The following DACH1 variants were observed in gnomAD, a reference collection of about 807,000 sequenced individuals.
DACH1 encodes dachshund homolog 1.
DACH1 carries 12 observed loss-of-function variants against 54.2 expected under a neutral mutation model. The observed-to-expected ratio is 0.22, with a 90% confidence interval of 0.14 to 0.36. DACH1 has a LOEUF of 0.36. Ranked by LOEUF, DACH1 falls within the 10% of genes least tolerant of loss-of-function variation. The pLI is 1.00. For missense variants in DACH1, 805 were observed against 929.8 expected (o/e 0.87, Z 1.75); for synonymous variants, 386 against 366.2 (o/e 1.05, Z -0.62).
chr13:71,560,978 T>C (rs760101672), intron 4 of DACH1, among the ~76,000 whole-genome samples: 1 of 152,158 alleles, frequency 6.6e-6, no homozygotes, highest in Non-Finnish European at 1.5e-5. Context: ...AGAGAAAATA[T>C]GCAATTACAA....
In DACH1 at chr13:71,497,017, A is replaced by C. The variant is rs1022670910; in HGVS notation, c.1571-7869T>G. On this transcript the variant is annotated intron_variant, in intron 6 of 10. Coordinates refer to ENST00000613252, the MANE Select transcript of DACH1 (RefSeq NM_080759.6). Reference sequence around the variant, plus strand: ...AAAGCAAACCAGGCTTGATTAAGAAAGTATGAATTCAAGTCCTGGCTCTAC... The same window carrying C: ...AAAGCAAACCAGGCTTGATTAAGAACGTATGAATTCAAGTCCTGGCTCTAC... Among the ~76,000 whole-genome samples the C allele has an allele frequency of 7.9e-5, 12 of 152,296 alleles. 1 individual carries two copies. The East Asian group carries it at 1.9e-3, about 25-fold the overall frequency.
At chr13:71,534,364 T>G (rs1281306347) in intron 6 of DACH1, among the ~76,000 whole-genome samples, 1 of 152,046 alleles carries the variant, frequency 6.6e-6, no homozygotes, top group Non-Finnish European at 1.5e-5. Flanking sequence ...TCTTTAATAT[T>G]AAATTATGCT....
chr13:71,581,234 G>T (rs1872829729), intron 3 of DACH1, among the ~76,000 whole-genome samples: 2 of 152,020 alleles, frequency 1.3e-5, no homozygotes, highest in Non-Finnish European at 2.9e-5. Flanking sequence ...AGAGGCACAT[G>T]CACATATAAT....
intron 6 of DACH1, among the ~76,000 whole-genome samples, chr13:71,490,656 G>A (rs564751959): frequency 6.6e-6 from 1 of 152,184 alleles, no homozygotes; most frequent in African/African-American, 2.4e-5. Context: ...CCATGCAGGG[G>A]CAGGGATGCT....
At chr13:71,534,416 T>A (rs1882620346) in intron 6 of DACH1, among the ~76,000 whole-genome samples, 1 of 151,994 alleles carries the variant, frequency 6.6e-6, no homozygotes, top group South Asian at 2.1e-4. Context: ...TGATTTGAAA[T>A]CATTGAGAAA....
intron 10 of DACH1, among the ~76,000 whole-genome samples, chr13:71,448,310 A>G (rs913494870): frequency 3.9e-5 from 6 of 152,236 alleles, no homozygotes; most frequent in African/African-American, 1.4e-4. Flanking sequence ...TATAAAATAT[A>G]GTAGCCGTGT....
At chr13:71,834,999 GA>G (rs1230139290) in intron 1 of DACH1, among the ~76,000 whole-genome samples, 1 of 151,920 alleles carries the variant, frequency 6.6e-6, no homozygotes, top group African/African-American at 2.4e-5. Context: ...CTCAGCCCAG[GA>G]ATTTGCCAAA....
intron 3 of DACH1, among the ~76,000 whole-genome samples, chr13:71,588,719 C>A (rs146999698): frequency 6.6e-6 from 1 of 151,810 alleles, no homozygotes; most frequent in African/African-American, 2.4e-5. Flanking sequence ...CCAATTCTTA[C>A]AATAGAAACA....
At chr13:71,498,420 C>T (rs1879625518) in intron 6 of DACH1, among the ~76,000 whole-genome samples, 1 of 152,102 alleles carries the variant, frequency 6.6e-6, no homozygotes, top group Non-Finnish European at 1.5e-5. Flanking sequence ...TATACCACAT[C>T]CATGATAGTA....
intron 1 of DACH1, among the ~76,000 whole-genome samples, chr13:71,815,327 G>T (rs1430540720): frequency 3.3e-5 from 5 of 150,228 alleles, no homozygotes; most frequent in African/African-American, 9.8e-5. Context: ...AAAAAAGGGG[G>T]TGGGCGGGGG....
Position 71,559,800 on chromosome 13 carries a change from A to T in DACH1, c.1435+20T>A. Reference sequence around the variant, plus strand: ...CCTAATAAAGTTTAAAATGGTGACAAGTAGAAGTATGAGACCTACGGATTC... The same window carrying T: ...CCTAATAAAGTTTAAAATGGTGACATGTAGAAGTATGAGACCTACGGATTC... On this transcript the variant is annotated intron_variant, in intron 5 of 10. Coordinates refer to ENST00000613252, the MANE Select transcript of DACH1 (RefSeq NM_080759.6). 1.2e-6 allele frequency: 2 copies of T among 1,613,568 alleles called. No homozygotes were observed. The highest frequency in any genetic ancestry group is 2.2e-5 in the South Asian group (2 of 91,064).
intron 10 of DACH1, among the ~76,000 whole-genome samples, chr13:71,445,073 C>G (rs374026697): frequency 6.6e-6 from 1 of 152,096 alleles, no homozygotes; most frequent in Non-Finnish European, 1.5e-5. Flanking sequence ...GAGCCTCCCC[C>G]ACGATAAGCC....
chr13:71,835,014 A>G (rs1888730360), intron 1 of DACH1, among the ~76,000 whole-genome samples: 1 of 152,038 alleles, frequency 6.6e-6, no homozygotes, highest in Admixed American at 6.6e-5. Flanking sequence ...TGCCAAACAG[A>G]TAAGAAGACA....
rs565170178 is a variant in DACH1 at position 71,458,708 on chromosome 13, G to A, written c.2083+16433C>T. On this transcript the variant is annotated intron_variant, in intron 10 of 10. Transcript: ENST00000613252. ...TAAATATTTAGACACACATACACAT[G>A]ATATATTTTGATTCATTAAAATTGT... Among the ~76,000 whole-genome samples the A allele has an allele frequency of 2.0e-5, 3 of 151,790 alleles. No homozygotes were observed. The South Asian group carries it at 6.2e-4, about 32-fold the overall frequency.
chr13:71,539,189 G>A (rs967827206), intron 6 of DACH1, among the ~76,000 whole-genome samples: 3 of 151,918 alleles, frequency 2.0e-5, no homozygotes, highest in Non-Finnish European at 4.4e-5. Context: ...CTCTCACACC[G>A]GGTCTAGCTG....
intron 2 of DACH1, among the ~76,000 whole-genome samples, chr13:71,668,719 G>A (rs887503579): frequency 1.3e-5 from 2 of 152,104 alleles, no homozygotes; most frequent in Non-Finnish European, 2.9e-5. Flanking sequence ...CAGGTCAAGA[G>A]GTCGAGACCA....
At position 71,553,910 on chromosome 13, in the gene DACH1, T is replaced by C. The variant is rs1884068418; in HGVS notation, c.1570+3114A>G. On this transcript the variant is annotated intron_variant, in intron 6 of 10. Transcript: ENST00000613252. ...ACCACAGTGATTCTCAGAATACAAATAAATTTTGGCATCTATTTTTGGAAT... is the reference window on the plus strand; with the variant it reads ...ACCACAGTGATTCTCAGAATACAAACAAATTTTGGCATCTATTTTTGGAAT... Among the ~76,000 whole-genome samples the C allele has an allele frequency of 5.3e-5, 8 of 151,864 alleles. No individual in the cohort carries two copies. The South Asian group carries it at 1.7e-3, about 31-fold the overall frequency.
intron 3 of DACH1, among the ~76,000 whole-genome samples, chr13:71,596,259 A>C (rs1874090249): frequency 6.6e-6 from 1 of 152,118 alleles, no homozygotes; most frequent in Non-Finnish European, 1.5e-5. Context: ...CAGGATTCTT[A>C]TTCATTAACT....
At chr13:71,540,170 T>C (rs1883043157) in intron 6 of DACH1, among the ~76,000 whole-genome samples, 1 of 152,044 alleles carries the variant, frequency 6.6e-6, no homozygotes, top group South Asian at 2.1e-4. Context: ...TGGATGCATT[T>C]CTGTTAATAT....
Sources: gnomAD v4.1 joint callset for allele counts (sites outside exome capture counted in the v4.1 genomes callset) on GRCh38, gnomAD v4.1.1 for gene constraint, MANE v1.5 for transcripts, NCBI Gene and HGNC (gene_info 2026-07-23, HGNC 2026-07-21) for gene names.